Variants in GMDS observed in about 807,000 individuals in gnomAD.
GMDS encodes the protein GDP-mannose 4,6-dehydratase, also known as GDP-mannose 4,6 dehydratase.
Under a neutral mutation model 49.9 loss-of-function variants are expected in GMDS, and 20 were observed. The observed-to-expected ratio is 0.40, with a 90% CI of 0.28 to 0.58. The LOEUF is 0.58. Ranked by LOEUF, GMDS falls within the 20% of genes least tolerant of loss-of-function variation. The pLI, the probability that GMDS is intolerant of heterozygous loss-of-function variation, is 0.42. For missense variants in GMDS, 362 were observed against 481.4 expected (o/e 0.75, Z 2.32); for synonymous variants, 177 against 178.6 (o/e 0.99, Z 0.07).
chr6:1,956,661 AGACT>A (rs1417171232), intron 6 of GMDS, among the ~76,000 whole-genome samples: 2 of 152,208 alleles, frequency 1.3e-5, no homozygotes, highest in Non-Finnish European at 2.9e-5. Context: ...GGGAACAAGA[AGACT>A]GATGAGTAAA....
chr6:1,917,158 G>A (rs1158694689), intron 7 of GMDS, among the ~76,000 whole-genome samples: 1 of 152,144 alleles, frequency 6.6e-6, no homozygotes, highest in African/African-American at 2.4e-5. Flanking sequence ...TAGTTTATAT[G>A]TAATACCTAG....
At chr6:1,661,167 CCTGAAGTCTGCGTACAGGCCTCA>C (rs1311707684) in intron 9 of GMDS, among the ~76,000 whole-genome samples, 1 of 152,106 alleles carries the variant, frequency 6.6e-6, no homozygotes, top group African/African-American at 2.4e-5. Context: ...CTGTAACTGG[CCTGAAGTCTGCGTACAGGCCTCA>C]CTGATACCTT....
chr6:1,972,498 C>T (rs1394893179), intron 4 of GMDS, among the ~76,000 whole-genome samples: 2 of 152,100 alleles, frequency 1.3e-5, no homozygotes, highest in Non-Finnish European at 2.9e-5. Context: ...AATAACAAAT[C>T]AACTTACTTA....
chr6:1,848,690 G>A (rs1173971115), intron 7 of GMDS, among the ~76,000 whole-genome samples: 1 of 152,198 alleles, frequency 6.6e-6, no homozygotes, highest in Admixed American at 6.5e-5. Context: ...AACGTCCAGA[G>A]GGCAGGACTG....
chr6:1,830,195 A>C (rs1771293688), intron 7 of GMDS, among the ~76,000 whole-genome samples: 3 of 152,244 alleles, frequency 2.0e-5, no homozygotes, highest in Non-Finnish European at 4.4e-5. Flanking sequence ...GACATTGCAG[A>C]TATAGAACAT....
chr6:2,138,471 C>G (rs936941334), intron 1 of GMDS, among the ~76,000 whole-genome samples: 2 of 152,118 alleles, frequency 1.3e-5, no homozygotes, highest in African/African-American at 4.8e-5. Flanking sequence ...CAGGCTCATA[C>G]TCTGTTAAAA....
chr6:1,921,117 C>T (rs1045621003), intron 7 of GMDS, among the ~76,000 whole-genome samples: 5 of 152,196 alleles, frequency 3.3e-5, no homozygotes, highest in East Asian at 1.9e-4. Context: ...TCATAATCCA[C>T]GTCCACAGGC....
intron 4 of GMDS, among the ~76,000 whole-genome samples, chr6:2,004,389 T>C (rs1461488106): frequency 6.6e-6 from 1 of 152,212 alleles, no homozygotes; most frequent in Admixed American, 6.6e-5. Flanking sequence ...TTACTATTAA[T>C]ATTTCAAAAC....
At chr6:2,086,641 A>T (rs1184628976) in intron 4 of GMDS, among the ~76,000 whole-genome samples, 1 of 152,196 alleles carries the variant, frequency 6.6e-6, no homozygotes, top group Admixed American at 6.5e-5. Context: ...TATAATAGAC[A>T]TTTCACAGAA....
chr6:2,195,896 A>G (rs1779256407), intron 1 of GMDS, among the ~76,000 whole-genome samples: 1 of 151,856 alleles, frequency 6.6e-6, no homozygotes, highest in African/African-American at 2.4e-5. Context: ...TCAACAGTGA[A>G]GTTAAACATC....
At chr6:2,236,290 T>G (rs1781353632) in intron 1 of GMDS, among the ~76,000 whole-genome samples, 1 of 152,186 alleles carries the variant, frequency 6.6e-6, no homozygotes, top group South Asian at 2.1e-4. Flanking sequence ...GTCACAAACA[T>G]GAAGTTCATA....
chr6:1,828,074 T>C (rs1319092863), intron 7 of GMDS, among the ~76,000 whole-genome samples: 1 of 151,578 alleles, frequency 6.6e-6, no homozygotes, highest in Non-Finnish European at 1.5e-5. Flanking sequence ...ATGAACAAAA[T>C]GAGAATAACA....
chr6:2,010,326 C>CAA (rs201372798), intron 4 of GMDS, among the ~76,000 whole-genome samples: 10 of 90,368 alleles, frequency 1.1e-4, no homozygotes, highest in South Asian at 3.9e-4. Flanking sequence ...GACTCCATCT[C>CAA]AAAAAAAAAA....
At chr6:2,179,618 T>C (rs1352021730) in intron 1 of GMDS, among the ~76,000 whole-genome samples, 1 of 152,216 alleles carries the variant, frequency 6.6e-6, no homozygotes, top group African/African-American at 2.4e-5. Context: ...CTGTAGTGCC[T>C]TGATCAGACT....
intron 9 of GMDS, among the ~76,000 whole-genome samples, chr6:1,630,913 G>A (rs1044350869): frequency 1.3e-5 from 2 of 151,954 alleles, no homozygotes; most frequent in African/African-American, 4.8e-5. Context: ...TGATGCGGGG[G>A]CCATTTAATG....
chr6:2,106,132 A>C (rs1297007761), intron 4 of GMDS, among the ~76,000 whole-genome samples: 1 of 152,246 alleles, frequency 6.6e-6, no homozygotes, highest in Non-Finnish European at 1.5e-5. Flanking sequence ...AGTAAAAGTG[A>C]TACCTACTAA....
intron 1 of GMDS, among the ~76,000 whole-genome samples, chr6:2,203,706 A>G (rs1581792079): frequency 6.6e-6 from 1 of 152,236 alleles, no homozygotes; most frequent in East Asian, 1.9e-4. Context: ...TATACCAAAG[A>G]AATATAAGTA....
intron 4 of GMDS, among the ~76,000 whole-genome samples, chr6:2,081,724 A>G (rs1247170674): frequency 6.6e-6 from 1 of 152,114 alleles, no homozygotes; most frequent in East Asian, 1.9e-4. Flanking sequence ...TTTGATCTGG[A>G]GCCCTTCTCT....
intron 4 of GMDS, among the ~76,000 whole-genome samples, chr6:1,965,683 A>AG (rs1311780810): frequency 4.6e-5 from 7 of 152,074 alleles, no homozygotes; most frequent in Admixed American, 4.6e-4. Context: ...AGTAAAAAAA[A>AG]TTAGCCGGCT....
Sources: gnomAD v4.1 joint callset for allele counts (sites outside exome capture counted in the v4.1 genomes callset) on GRCh38, gnomAD v4.1.1 for gene constraint, MANE v1.5 for transcripts, NCBI Gene and HGNC (gene_info 2026-07-23, HGNC 2026-07-21) for gene names.